Variants in LRBA observed in about 807,000 individuals in gnomAD.
LRBA encodes the protein LPS responsive beige-like anchor protein, also known as lipopolysaccharide-responsive and beige-like anchor protein.
Under a neutral mutation model 330.0 loss-of-function variants are expected in LRBA, and 176 were observed. That is an observed-to-expected ratio of 0.53 (90% CI 0.47 to 0.60). The LOEUF (loss-of-function observed/expected upper bound fraction) is 0.60, where lower values mean the gene tolerates loss of function less well. Among genes scored for constraint, LRBA ranks in the 20% least tolerant of loss-of-function variants. The pLI is 0.00. For synonymous variants in LRBA, 1,230 were observed against 1,193.0 expected, an observed-to-expected ratio of 1.03 and a Z score of -0.64; for missense variants, 3,259 against 3,444.8, an observed-to-expected ratio of 0.95 and a Z score of 1.35.
At chr4:150,460,124 T>C (rs1440093980) in intron 44 of LRBA, among the ~76,000 whole-genome samples, 1 of 151,654 alleles carries the variant, frequency 6.6e-6, no homozygotes, top group African/African-American at 2.4e-5. Context: ...CAGAGCAGAC[T>C]AAAAGGACTG....
At chr4:150,559,596 T>C (rs1001857427) in intron 40 of LRBA, among the ~76,000 whole-genome samples, 5 of 115,066 alleles carry the variant, frequency 4.3e-5, no homozygotes, top group Non-Finnish European at 8.4e-5. Context: ...ATTTATAATA[T>C]ATAATGTATA....
intron 44 of LRBA, among the ~76,000 whole-genome samples, chr4:150,444,273 C>T (rs1469231935): frequency 1.3e-5 from 2 of 151,810 alleles, no homozygotes; most frequent in Non-Finnish European, 2.9e-5. Context: ...CAAATGAGAG[C>T]CCTTAATTTT....
At position 150,986,127 on chromosome 4, in the gene LRBA, G is replaced by C. The variant is rs573842238; in HGVS notation, c.216+28300C>G. Among the ~76,000 whole-genome samples the C allele has an allele frequency of 7.9e-5, 12 of 152,188 alleles. 1 individual carries two copies. In the South Asian group the frequency reaches 1.7e-3, roughly 21 times the overall value. ...TGTAGAATTGAACATAGTCTGTTAA[G>C]GGTGCTTTCAGGTCATCAGAATCTG... On this transcript the variant is annotated intron_variant, in intron 2 of 56. Transcript: ENST00000651943.
At chr4:151,006,019 C>G (rs1416537339) in intron 2 of LRBA, among the ~76,000 whole-genome samples, 1 of 152,092 alleles carries the variant, frequency 6.6e-6, no homozygotes, top group Admixed American at 6.5e-5. Flanking sequence ...AAATATGCAT[C>G]AAGGTTTTAA....
At chr4:150,875,719 T>C (rs1377748496) in intron 17 of LRBA, among the ~76,000 whole-genome samples, 1 of 151,890 alleles carries the variant, frequency 6.6e-6, no homozygotes, top group Admixed American at 6.6e-5. Flanking sequence ...AATAATAACA[T>C]TACAGAGAAA....
At chr4:150,326,202 C>T (rs1278406598) in intron 48 of LRBA, among the ~76,000 whole-genome samples, 2 of 152,138 alleles carry the variant, frequency 1.3e-5, no homozygotes, top group African/African-American at 4.8e-5. Flanking sequence ...TTTTCTTGCA[C>T]TTGGTTTTCC....
intron 35 of LRBA, among the ~76,000 whole-genome samples, chr4:150,737,073 C>T (rs901668351): frequency 7.9e-5 from 12 of 152,036 alleles, no homozygotes; most frequent in Non-Finnish European, 1.5e-4. Flanking sequence ...TTTTAATTAG[C>T]GAGGCATGGT....
intron 34 of LRBA, among the ~76,000 whole-genome samples, chr4:150,783,901 C>T (rs1738630199): frequency 6.6e-6 from 1 of 152,038 alleles, no homozygotes; most frequent in Non-Finnish European, 1.5e-5. Context: ...TTGAATTTGA[C>T]AAAACAGTAA....
Position 150,889,540 on chromosome 4 carries a change from A to C in LRBA, c.2165+3512T>G, listed in dbSNP as rs886365411. Among the ~76,000 whole-genome samples the C allele has an allele frequency of 7.9e-5, 12 of 152,196 alleles. 1 individual carries two copies. Among genetic ancestry groups the C allele is most frequent in the African/African-American group, 2.2e-4 (9 of 41,456 alleles). On this transcript the variant is annotated intron_variant, in intron 17 of 56. Transcript: ENST00000651943. ...TACTGCCTGAGCTCTGCCTCCTGTC[A>C]TATCAGCTGTGGCATTAGATTCTCA...
At chr4:151,010,891 A>C (rs1418081969) in intron 2 of LRBA, among the ~76,000 whole-genome samples, 1 of 149,624 alleles carries the variant, frequency 6.7e-6, no homozygotes, top group East Asian at 2.0e-4. Flanking sequence ...CTCAATTAAA[A>C]AAAAAAAAAA....
chr4:150,520,466 T>C (rs993701191), intron 40 of LRBA, among the ~76,000 whole-genome samples: 4 of 152,212 alleles, frequency 2.6e-5, no homozygotes, highest in Non-Finnish European at 5.9e-5. Context: ...CTAAGTATTT[T>C]ATGTTTATTG....
chr4:150,636,301 ATCT>A (rs1306373456), intron 37 of LRBA, among the ~76,000 whole-genome samples: 3 of 151,086 alleles, frequency 2.0e-5, no homozygotes, highest in African/African-American at 7.3e-5. Context: ...TATTAGTATG[ATCT>A]TCTATTTTAT....
intron 17 of LRBA, among the ~76,000 whole-genome samples, chr4:150,888,846 C>T (rs1376974687): frequency 1.3e-5 from 2 of 152,156 alleles, no homozygotes; most frequent in Non-Finnish European, 1.5e-5. Context: ...CTTTGTCAGA[C>T]TGGATTAAAA....
At chr4:150,443,853 A>AAAAATATATATATATAT (rs70941406) in intron 44 of LRBA, among the ~76,000 whole-genome samples, 58 of 75,444 alleles carry the variant, frequency 7.7e-4, no homozygotes, top group Non-Finnish European at 1.4e-3. Flanking sequence ...TAATTAAAAA[A>AAAAATATATATATATAT]ATATATATAT....
At chr4:150,838,577 T>A (rs1324535548) in intron 28 of LRBA, among the ~76,000 whole-genome samples, 1 of 152,240 alleles carries the variant, frequency 6.6e-6, no homozygotes, top group Non-Finnish European at 1.5e-5. Flanking sequence ...TTCCAGTTGA[T>A]CAAATTGGCT....
intron 40 of LRBA, among the ~76,000 whole-genome samples, chr4:150,522,824 C>A (rs1236290110): frequency 6.6e-6 from 1 of 152,190 alleles, no homozygotes; most frequent in Non-Finnish European, 1.5e-5. Context: ...TTTAAAGAAT[C>A]CTTCCAAGAG....
chr4:150,482,342 T>C (rs983835064), intron 42 of LRBA, among the ~76,000 whole-genome samples: 3 of 152,120 alleles, frequency 2.0e-5, no homozygotes, highest in African/African-American at 7.2e-5. Context: ...TTCAAATTCA[T>C]CTGTGTTGTT....
intron 17 of LRBA, among the ~76,000 whole-genome samples, chr4:150,878,316 G>A (rs1411120155): frequency 1.3e-5 from 2 of 152,156 alleles, no homozygotes; most frequent in African/African-American, 2.4e-5. Flanking sequence ...TCCAGCCTGG[G>A]TGACAGAGCA....
intron 40 of LRBA, among the ~76,000 whole-genome samples, chr4:150,574,562 T>G (rs952193211): frequency 6.6e-6 from 1 of 152,042 alleles, no homozygotes; most frequent in Non-Finnish European, 1.5e-5. Flanking sequence ...TTGGGACTTT[T>G]TGTTTCCTAG....
Sources: allele counts gnomAD v4.1 joint callset (sites outside exome capture counted in the v4.1 genomes callset), GRCh38; gene constraint gnomAD v4.1.1; transcripts MANE v1.5; gene names NCBI Gene and HGNC (gene_info 2026-07-23, HGNC 2026-07-21).